ATP2C1: variants seen among roughly 807,000 people sequenced by gnomAD.
ATP2C1 encodes calcium-transporting ATPase type 2C member 1.
Under a neutral mutation model 120.5 loss-of-function variants are expected in ATP2C1, and 31 were observed. The observed-to-expected ratio is 0.26, with a 90% CI of 0.19 to 0.35. ATP2C1 has a LOEUF of 0.35. Ranked by LOEUF, ATP2C1 falls within the 10% of genes least tolerant of loss-of-function variation. The pLI is 1.00. For missense variants in ATP2C1, 731 were observed against 1,107.5 expected (o/e 0.66, Z 4.83); for synonymous variants, 351 against 358.7 (o/e 0.98, Z 0.24).
At chr3:130,905,667 G>T (rs1007538519) in intron 2 of ATP2C1, among the ~76,000 whole-genome samples, 2 of 152,058 alleles carry the variant, frequency 1.3e-5, no homozygotes, top group Non-Finnish European at 2.9e-5. Context: ...TTGTTTGTAT[G>T]CTGTTTTAAG....
chr3:130,960,460 A>G (rs1438820544), intron 12 of ATP2C1, among the ~76,000 whole-genome samples: 1 of 152,166 alleles, frequency 6.6e-6, no homozygotes, highest in Non-Finnish European at 1.5e-5. Flanking sequence ...TCTAGTTACA[A>G]GTTACTACAC....
At chr3:130,870,819 G>A (rs1576556001) in intron 1 of ATP2C1, among the ~76,000 whole-genome samples, 1 of 152,180 alleles carries the variant, frequency 6.6e-6, no homozygotes, top group East Asian at 1.9e-4. Context: ...TGAGAGGACT[G>A]ACTCCAATTT....
intron 12 of ATP2C1, among the ~76,000 whole-genome samples, chr3:130,962,560 G>T (rs545738046): frequency 6.6e-6 from 1 of 151,660 alleles, no homozygotes; most frequent in Admixed American, 6.6e-5. Flanking sequence ...ATAGTTTTGG[G>T]TTATCATTAA....
intron 2 of ATP2C1, chr3:130,914,327 T>G (rs985719578): frequency 7.2e-5 from 11 of 152,210 alleles, no homozygotes; most frequent in Non-Finnish European, 1.0e-4. Flanking sequence ...TTGTTTGTTT[T>G]TTTTTTGATT....
chr3:130,862,369 C>T (rs1010811494), intron 1 of ATP2C1, among the ~76,000 whole-genome samples: 1 of 146,100 alleles, frequency 6.8e-6, no homozygotes, highest in Non-Finnish European at 1.5e-5. Flanking sequence ...TAGTAAGAGA[C>T]AGGGTTTCAG....
In ATP2C1 at chr3:130,975,507, A is replaced by G; in HGVS notation, c.1570+19A>G. On this transcript the variant is annotated intron_variant, in intron 18 of 27. Coordinates refer to ENST00000510168, the MANE Select transcript of ATP2C1 (RefSeq NM_001378687.1). The stretch of plus-strand genomic sequence containing the variant: ...CTCAGAGGTAAGGCTATTTCAGCAT[A>G]GTCCCCTGGGGTGGAAAGGTAGAGC... 6.2e-7 allele frequency: 1 copy of G among 1,612,786 alleles called. No homozygotes were observed. The highest frequency in any genetic ancestry group is 8.5e-7 in the Non-Finnish European group (1 of 1,179,364).
At chr3:130,892,869 T>C (rs1268676503), upstream of ATP2C1, among the ~76,000 whole-genome samples, 3 of 152,204 alleles carry the variant, frequency 2.0e-5, no homozygotes, top group Non-Finnish European at 2.9e-5. Flanking sequence ...GGAACAAATA[T>C]AGAAACACAG....
At chr3:130,959,652 T>C (rs947045249) in intron 12 of ATP2C1, 2 of 166,254 alleles carry the variant, frequency 1.2e-5, no homozygotes, top group Admixed American at 5.9e-5. Flanking sequence ...GTTCACAATA[T>C]AGAAATTGAA....
downstream of ATP2C1, among the ~76,000 whole-genome samples, chr3:131,006,257 C>T (rs557552497): frequency 6.6e-6 from 1 of 151,936 alleles, no homozygotes; most frequent in South Asian, 2.1e-4. Context: ...GATTACAGGC[C>T]TGTGCCACCA....
chr3:130,942,834 A>T (rs1259326867), intron 8 of ATP2C1, among the ~76,000 whole-genome samples: 1 of 152,112 alleles, frequency 6.6e-6, no homozygotes, highest in Non-Finnish European at 1.5e-5. Flanking sequence ...ACCTTGAATT[A>T]TTCTTCCTCA....
chr3:131,005,809 A>C (rs1017920888), downstream of ATP2C1, among the ~76,000 whole-genome samples: 7 of 152,246 alleles, frequency 4.6e-5, no homozygotes, highest in African/African-American at 1.7e-4. Context: ...GAAGGACAAG[A>C]TAATATTTCA....
At position 130,992,910 on chromosome 3, in the gene ATP2C1, C is replaced by A. The variant is rs758905857; in HGVS notation, c.1840-41C>A. On this transcript the variant is annotated intron_variant, in intron 20 of 27. Transcript: ENST00000510168. ...AATGCATGGGTTATTCTGTAGAAAT[C>A]TTAATATTGAAGATTTTTAGTGTAT... 5.3e-6 allele frequency: 8 copies of A among 1,516,226 alleles called. No homozygotes were observed. The South Asian group carries it at 9.0e-5, about 17-fold the overall frequency. 93.9% of individuals were successfully genotyped at this position (1,516,226 alleles called of 1,614,324 possible).
chr3:131,007,125 A>T (rs1428642301), downstream of ATP2C1, among the ~76,000 whole-genome samples: 1 of 152,220 alleles, frequency 6.6e-6, no homozygotes, highest in Non-Finnish European at 1.5e-5. Flanking sequence ...TTAAATGTCA[A>T]AGTTTGGGGA....
intron 6 of ATP2C1, among the ~76,000 whole-genome samples, chr3:130,938,517 T>G (rs2059764472): frequency 6.6e-6 from 1 of 152,268 alleles, no homozygotes; most frequent in South Asian, 2.1e-4. Flanking sequence ...TTGTTATTAG[T>G]TCTGTAGTAA....
At chr3:130,927,307 C>T (rs2059256695) in intron 2 of ATP2C1, among the ~76,000 whole-genome samples, 1 of 149,440 alleles carries the variant, frequency 6.7e-6, no homozygotes, top group Non-Finnish European at 1.5e-5. Flanking sequence ...GTGGCGTGAT[C>T]TCAGCTCACT....
downstream of ATP2C1, among the ~76,000 whole-genome samples, chr3:131,004,085 C>T (rs2063008131): frequency 6.6e-6 from 1 of 152,100 alleles, no homozygotes; most frequent in South Asian, 2.1e-4. Context: ...ACACAGATAG[C>T]AGGGGATATA....
At position 130,998,310 on chromosome 3, in the gene ATP2C1, T is replaced by TTTG; in HGVS notation, c.2409_2410insTGT (p.Ile803_Thr804insCys). ...TCTTGACAGCTACGAGACAATGTGA[T>TTTG]TACACCTCGAGACACAACAATGACC... On this transcript the variant is annotated inframe_insertion, in exon 26 of 28. Coordinates refer to ENST00000510168, the MANE Select transcript of ATP2C1 (RefSeq NM_001378687.1). The TTTG allele has an allele frequency of 6.2e-7, 1 of 1,611,542 alleles. No individual in the cohort carries two copies.
chr3:130,907,359 A>C (rs1374875444), intron 2 of ATP2C1, among the ~76,000 whole-genome samples: 4 of 152,092 alleles, frequency 2.6e-5, no homozygotes, highest in African/African-American at 9.7e-5. Context: ...TATATCTAGG[A>C]AACCATTGCC....
At chr3:130,875,883 GT>G (rs368689457) in intron 1 of ATP2C1, among the ~76,000 whole-genome samples, 138 of 141,326 alleles carry the variant, frequency 9.8e-4, no homozygotes, top group Middle Eastern at 7.3e-3. Flanking sequence ...GATGTCGAGT[GT>G]TTTTTTTTTT....
Sources: allele counts gnomAD v4.1 joint callset (sites outside exome capture counted in the v4.1 genomes callset), GRCh38; gene constraint gnomAD v4.1.1; transcripts MANE v1.5; gene names NCBI Gene and HGNC (gene_info 2026-07-23, HGNC 2026-07-21).